Variants in RARB observed in about 807,000 individuals in gnomAD.
RARB encodes the protein retinoic acid receptor beta.
A neutral mutation model predicts 51.9 loss-of-function variants in RARB; 17 were observed. That is an observed-to-expected ratio of 0.33 (90% CI 0.22 to 0.49). RARB has a LOEUF of 0.49. RARB is among the 20% of genes least tolerant of loss of function. RARB has a pLI of 0.99. For missense variants in RARB, 369 were observed against 550.8 expected (o/e 0.67, Z 3.30); for synonymous variants, 215 against 195.4 (o/e 1.10, Z -0.84).
chr3:25,409,210 A>T (rs560943591), intron 5 of RARB, among the ~76,000 whole-genome samples: 3 of 152,278 alleles, frequency 2.0e-5, no homozygotes, highest in Admixed American at 6.5e-5. Context: ...TGTGTAGTTC[A>T]TTAATATCTT....
intron 3 of RARB, among the ~76,000 whole-genome samples, chr3:25,074,384 G>C (rs1038101346): frequency 6.6e-6 from 1 of 152,162 alleles, no homozygotes. Flanking sequence ...ATCCTGGACA[G>C]TTGCTACTGA....
At chr3:25,039,878 A>G (rs2125294360) in intron 2 of RARB, among the ~76,000 whole-genome samples, 1 of 152,350 alleles carries the variant, frequency 6.6e-6, no homozygotes, top group South Asian at 2.1e-4. Context: ...GGGCAACTTG[A>G]TAAATCATTC....
chr3:24,962,380 G>C (rs1696160363), intron 2 of RARB, among the ~76,000 whole-genome samples: 1 of 152,134 alleles, frequency 6.6e-6, no homozygotes, highest in East Asian at 1.9e-4. Context: ...CTACTCACTA[G>C]ATGCCAGCAT....
At chr3:25,582,229 A>T (rs1701204415) in intron 5 of RARB, among the ~76,000 whole-genome samples, 1 of 152,154 alleles carries the variant, frequency 6.6e-6, no homozygotes, top group African/African-American at 2.4e-5. Flanking sequence ...TGGGCCTTTT[A>T]ATGCTTTCCT....
chr3:25,163,504 A>AAAAAAAAAAAAATATAT (rs1303712411), intron 4 of RARB, among the ~76,000 whole-genome samples: 6 of 131,094 alleles, frequency 4.6e-5, no homozygotes, highest in African/African-American at 1.9e-4. Flanking sequence ...CCTATCTCAA[A>AAAAAAAAAAAAATATAT]ATATATATAT....
chr3:24,951,894 C>G (rs1177490518), intron 2 of RARB, among the ~76,000 whole-genome samples: 3 of 152,176 alleles, frequency 2.0e-5, no homozygotes, highest in Admixed American at 6.5e-5. Context: ...AGAATAGTTT[C>G]TGCAAATTTG....
chr3:24,961,205 C>G (rs545901098), intron 2 of RARB, among the ~76,000 whole-genome samples: 2 of 152,178 alleles, frequency 1.3e-5, no homozygotes, highest in Non-Finnish European at 1.5e-5. Flanking sequence ...CAAAGAGATT[C>G]TGTTGTTCAA....
intron 4 of RARB, among the ~76,000 whole-genome samples, chr3:25,146,092 C>T (rs1426575614): frequency 6.6e-6 from 1 of 152,152 alleles, no homozygotes; most frequent in African/African-American, 2.4e-5. Flanking sequence ...AAATCCTGGC[C>T]TTGCCCCTCA....
intron 2 of RARB, among the ~76,000 whole-genome samples, chr3:24,906,640 C>T (rs944470155): frequency 6.6e-5 from 10 of 151,832 alleles, no homozygotes; most frequent in Admixed American, 3.3e-4. Context: ...GTCAGGAGCT[C>T]GAGACCAGCC....
intron 3 of RARB, among the ~76,000 whole-genome samples, chr3:25,539,094 A>G (rs1369592082): frequency 6.6e-6 from 1 of 152,218 alleles, no homozygotes; most frequent in Non-Finnish European, 1.5e-5. Context: ...AATTCGTACA[A>G]CCATTTAGAT....
At chr3:24,854,908 C>G (rs1013657843) in intron 1 of RARB, among the ~76,000 whole-genome samples, 1 of 152,178 alleles carries the variant, frequency 6.6e-6, no homozygotes, top group African/African-American at 2.4e-5. Context: ...CGACCTCAAT[C>G]AAATCTCTGG....
intron 4 of RARB, among the ~76,000 whole-genome samples, chr3:25,165,265 T>C (rs1339307485): frequency 1.3e-5 from 2 of 152,146 alleles, no homozygotes; most frequent in Admixed American, 1.3e-4. Flanking sequence ...CTCTGCTCTC[T>C]CTCATGTCTC....
At chr3:25,102,838 G>T (rs1699429967) in intron 3 of RARB, among the ~76,000 whole-genome samples, 1 of 152,096 alleles carries the variant, frequency 6.6e-6, no homozygotes, top group Non-Finnish European at 1.5e-5. Flanking sequence ...TATCACCTGA[G>T]GTCGGGAGTT....
intron 3 of RARB, among the ~76,000 whole-genome samples, chr3:25,502,792 C>T (rs1367893925): frequency 6.6e-6 from 1 of 152,138 alleles, no homozygotes; most frequent in Non-Finnish European, 1.5e-5. Flanking sequence ...ATCCTCCAAT[C>T]CCCAGGGAAG....
At chr3:25,227,767 C>A (rs544474494) in intron 5 of RARB, among the ~76,000 whole-genome samples, 3 of 152,082 alleles carry the variant, frequency 2.0e-5, no homozygotes, top group South Asian at 2.1e-4. Flanking sequence ...CAGTGACCAT[C>A]CCTTCATTTC....
chr3:24,842,903 G>A (rs1166472834), intron 1 of RARB, among the ~76,000 whole-genome samples: 1 of 152,192 alleles, frequency 6.6e-6, no homozygotes, highest in Non-Finnish European at 1.5e-5. Flanking sequence ...TCTGGAGACT[G>A]CCGGGCTGAG....
At chr3:24,995,167 A>T (rs1325739527) in intron 2 of RARB, among the ~76,000 whole-genome samples, 1 of 151,022 alleles carries the variant, frequency 6.6e-6, no homozygotes, top group Non-Finnish European at 1.5e-5. Context: ...AGTTTATTTC[A>T]TCAGTGTTTT....
chr3:24,900,594 G>A (rs1022722306), intron 2 of RARB, among the ~76,000 whole-genome samples: 1 of 152,138 alleles, frequency 6.6e-6, no homozygotes, highest in Non-Finnish European at 1.5e-5. Flanking sequence ...GCACAGTATT[G>A]TTTTGCTTAA....
At chr3:24,985,581 C>T (rs1169759822) in intron 2 of RARB, among the ~76,000 whole-genome samples, 16 of 152,104 alleles carry the variant, frequency 1.1e-4, no homozygotes, top group Non-Finnish European at 2.9e-5. Context: ...AAACACATGT[C>T]AAGAACCCTT....
Sources: allele counts gnomAD v4.1 joint callset (sites outside exome capture counted in the v4.1 genomes callset), GRCh38; gene constraint gnomAD v4.1.1; transcripts MANE v1.5; gene names NCBI Gene and HGNC (gene_info 2026-07-23, HGNC 2026-07-21).